Variants in GSK3B observed in about 807,000 individuals in gnomAD.
GSK3B encodes glycogen synthase kinase-3 beta.
A neutral mutation model predicts 56.4 loss-of-function variants in GSK3B; 15 were observed. The ratio of observed to expected loss-of-function variants is 0.27; its 90% CI spans 0.18 to 0.41. The LOEUF (loss-of-function observed/expected upper bound fraction) is 0.41. Ranked by LOEUF, GSK3B falls within the 10% of genes least tolerant of loss-of-function variation. The probability of loss-of-function intolerance (pLI) is 1.00; values close to 1 mark genes in which losing one functional copy is unlikely to be tolerated. For missense variants in GSK3B, 300 were observed against 513.4 expected, an observed-to-expected ratio of 0.58 and a Z score of 4.02; for synonymous variants, 181 against 188.9, an observed-to-expected ratio of 0.96 and a Z score of 0.34.
intron 1 of GSK3B, among the ~76,000 whole-genome samples, chr3:120,033,659 G>A (rs894349659): frequency 1.3e-5 from 2 of 152,148 alleles, no homozygotes; most frequent in Admixed American, 6.5e-5. Flanking sequence ...ATGTATTGGA[G>A]GAGGGGCCTG....
intron 2 of GSK3B, among the ~76,000 whole-genome samples, chr3:119,982,866 G>C (rs898736476): frequency 6.6e-6 from 1 of 152,120 alleles, no homozygotes; most frequent in Non-Finnish European, 1.5e-5. Flanking sequence ...ACACCACAAA[G>C]ATACTCCAAG....
intron 1 of GSK3B, among the ~76,000 whole-genome samples, chr3:120,025,129 C>T (rs1310295555): frequency 7.2e-5 from 11 of 152,048 alleles, no homozygotes; most frequent in East Asian, 3.9e-4. Flanking sequence ...GAGACGGAGG[C>T]GGGCAGATCA....
chr3:120,066,720 G>GTAA (rs1358674391), intron 1 of GSK3B, among the ~76,000 whole-genome samples: 1 of 152,190 alleles, frequency 6.6e-6, no homozygotes, highest in Non-Finnish European at 1.5e-5. Context: ...GGGCCAGATA[G>GTAA]TAAATATTTT....
chr3:120,054,836 T>C (rs1442578133), intron 1 of GSK3B, among the ~76,000 whole-genome samples: 3 of 152,238 alleles, frequency 2.0e-5, no homozygotes, highest in Non-Finnish European at 4.4e-5. Flanking sequence ...ACAGTGTCTT[T>C]GAAAGTGTAG....
At position 119,863,486 on chromosome 3, in the gene GSK3B, T is replaced by C. The variant is rs2056136699; in HGVS notation, c.1029A>G (p.Leu343=). The change falls in exon 9 of 11, where the codon TTA becomes TTG. Residue 343 remains leucine, a synonymous_variant. Coordinates refer to ENST00000264235, the MANE Select transcript of GSK3B (RefSeq NM_001146156.2). ...TTGGTAGTTTGACATTTGGGTCCCGTAATTCATCAAAAAATGAATGTGCAC... is the reference window on the plus strand; with the variant it reads ...TTGGTAGTTTGACATTTGGGTCCCGCAATTCATCAAAAAATGAATGTGCAC... ...EACAHSFFDE[L]RDPNVKLPNG... is the part of the protein sequence containing the mutation. 6.2e-7 allele frequency: 1 copy of C among 1,613,932 alleles called. No individual in the cohort carries two copies. Among genetic ancestry groups the C allele is most frequent in the Non-Finnish European group, 8.5e-7 (1 of 1,179,816 alleles).
chr3:119,959,748 C>T (rs7636600), intron 2 of GSK3B, among the ~76,000 whole-genome samples: 1 of 151,692 alleles, frequency 6.6e-6, no homozygotes, highest in South Asian at 2.1e-4. Flanking sequence ...AACTCGTGAC[C>T]TCAAATGATC....
intron 2 of GSK3B, among the ~76,000 whole-genome samples, chr3:119,960,151 C>CAAAAAAAAAAAAAAAAAAAAAA (rs574956694): frequency 1.3e-5 from 1 of 74,642 alleles, no homozygotes; most frequent in African/African-American, 5.0e-5. Flanking sequence ...TATGCTGAGA[C>CAAAAAAAAAAAAAAAAAAAAAA]AAAAAAAAAA....
chr3:119,853,888 T>C (rs1274655984), intron 9 of GSK3B, among the ~76,000 whole-genome samples: 1 of 152,144 alleles, frequency 6.6e-6, no homozygotes, highest in Admixed American at 6.5e-5. Context: ...TGACCCCCTG[T>C]TTTCCTAATT....
intron 2 of GSK3B, among the ~76,000 whole-genome samples, chr3:119,991,266 A>T (rs1442828635): frequency 6.6e-6 from 1 of 152,124 alleles, no homozygotes; most frequent in African/African-American, 2.4e-5. Flanking sequence ...TCCCCACAAC[A>T]CAAATATTTC....
At chr3:119,912,099 T>C (rs1358359841) in intron 6 of GSK3B, among the ~76,000 whole-genome samples, 1 of 152,148 alleles carries the variant, frequency 6.6e-6, no homozygotes, top group African/African-American at 2.4e-5. Flanking sequence ...AAGTGAAAAA[T>C]GTACCTTTCA....
chr3:119,844,737 G>C (rs747734560), intron 9 of GSK3B, among the ~76,000 whole-genome samples: 1 of 152,204 alleles, frequency 6.6e-6, no homozygotes, highest in Non-Finnish European at 1.5e-5. Flanking sequence ...GAGGTACAAA[G>C]AGGAGCTGGT....
chr3:120,012,232 G>C (rs1183765478), intron 1 of GSK3B, among the ~76,000 whole-genome samples: 1 of 152,134 alleles, frequency 6.6e-6, no homozygotes, highest in Admixed American at 6.5e-5. Flanking sequence ...CTTAATATTT[G>C]CTACAACAAA....
At chr3:119,974,567 C>G (rs1054081681) in intron 2 of GSK3B, among the ~76,000 whole-genome samples, 3 of 152,208 alleles carry the variant, frequency 2.0e-5, no homozygotes, top group African/African-American at 7.2e-5. Context: ...AGTGATCTTA[C>G]ACTTCCCTAG....
chr3:120,092,964 G>A (rs77720812), intron 1 of GSK3B, among the ~76,000 whole-genome samples: 1 of 152,242 alleles, frequency 6.6e-6, no homozygotes, highest in African/African-American at 2.4e-5. Flanking sequence ...CTGCAAATGT[G>A]CATAATGGTT....
chr3:120,079,004 G>A (rs572308854), intron 1 of GSK3B, among the ~76,000 whole-genome samples: 14 of 142,110 alleles, frequency 9.9e-5, no homozygotes, highest in African/African-American at 2.1e-4. Context: ...ACAGTGGCAC[G>A]GTATCAGCTC....
intron 9 of GSK3B, among the ~76,000 whole-genome samples, chr3:119,861,332 G>A (rs1313526878): frequency 6.6e-5 from 10 of 152,016 alleles, no homozygotes; most frequent in South Asian, 6.2e-4. Flanking sequence ...CCAACATGGC[G>A]AAACCCCGTC....
At chr3:120,040,052 C>T (rs553786698) in intron 1 of GSK3B, among the ~76,000 whole-genome samples, 4 of 152,312 alleles carry the variant, frequency 2.6e-5, no homozygotes, top group South Asian at 4.1e-4. Context: ...AGAAACAGGC[C>T]GGCAGCTCGG....
At chr3:119,842,849 T>C (rs552815959) in intron 10 of GSK3B, among the ~76,000 whole-genome samples, 2 of 152,318 alleles carry the variant, frequency 1.3e-5, no homozygotes, top group East Asian at 3.9e-4. Flanking sequence ...CTGTTTTTGA[T>C]ATATAAAAGA....
intron 7 of GSK3B, among the ~76,000 whole-genome samples, chr3:119,888,074 C>T (rs995490153): frequency 1.3e-5 from 2 of 152,008 alleles, no homozygotes; most frequent in Non-Finnish European, 2.9e-5. Context: ...CAGATCTTCA[C>T]CACAAAAAAG....
Sources: gnomAD v4.1 joint callset for allele counts (sites outside exome capture counted in the v4.1 genomes callset) on GRCh38, gnomAD v4.1.1 for gene constraint, MANE v1.5 for transcripts, NCBI Gene and HGNC (gene_info 2026-07-23, HGNC 2026-07-21) for gene names.